The following TMEM94 variants were observed in gnomAD, a reference collection of about 807,000 sequenced individuals.
The protein encoded by TMEM94 is transmembrane protein 94, also known as ER Mg2+ ATPase.
A neutral mutation model predicts 158.6 loss-of-function variants in TMEM94; 81 were observed. The observed-to-expected ratio is 0.51, with a 90% CI of 0.43 to 0.61. The LOEUF (loss-of-function observed/expected upper bound fraction) is 0.61, where lower values mean the gene tolerates loss of function less well. TMEM94 is among the 20% of genes least tolerant of loss of function. TMEM94 has a pLI of 0.00. For synonymous variants in TMEM94, 751 were observed against 730.7 expected (o/e 1.03, Z -0.45); for missense variants, 1,435 against 1,762.0 (o/e 0.81, Z 3.32).
Position 75,492,068 on chromosome 17 carries a change from C to A in TMEM94, c.1596+168C>A. On this transcript the variant is annotated intron_variant, in intron 14 of 31. Transcript: ENST00000314256. The surrounding 1 kb of genome is among the most constrained non-coding windows in gnomAD (Gnocchi z 4.4). Reference sequence around the variant, plus strand: ...CCTGAGGCCCTCCCCAAGTCTGCTGCGAAGTAGGTGGAGCCTCCCCCTACC... The same window carrying A: ...CCTGAGGCCCTCCCCAAGTCTGCTGAGAAGTAGGTGGAGCCTCCCCCTACC... The A allele has an allele frequency of 1.2e-6, 1 of 801,220 alleles. No individual in the cohort carries two copies. The highest frequency in any genetic ancestry group is 2.0e-6 in the Non-Finnish European group (1 of 511,820). 49.6% of individuals were successfully genotyped at this position (801,220 alleles called of 1,614,324 possible).
Position 75,487,819 on chromosome 17 carries a change from A to G in TMEM94, c.410-113A>G. On this transcript the variant is annotated intron_variant, in intron 5 of 31. Coordinates refer to ENST00000314256, the MANE Select transcript of TMEM94 (RefSeq NM_014738.6). This position sits in a 1 kb window ranked among gnomAD's most constrained non-coding sequence, Gnocchi z 4.6. ...TGGAACGAGTGGAGGGGTTTGACGC[A>G]GACCTCCTGGGAGAGGAAGTGGGCA... 1.2e-6 allele frequency: 1 copy of G among 854,080 alleles called. No homozygotes were observed. The highest frequency in any genetic ancestry group is 1.9e-6 in the Non-Finnish European group (1 of 528,140). The allele number at this position is 854,080 out of a possible 1,614,324, so 52.9% of individuals were successfully genotyped here. A position where few individuals can be genotyped will look rare whatever the true frequency, so the allele number is the denominator to read the frequency against.
intron 2 of TMEM94, among the ~76,000 whole-genome samples, chr17:75,473,126 G>A (rs962694799): frequency 6.6e-6 from 1 of 152,180 alleles, no homozygotes; most frequent in African/African-American, 2.4e-5. Context: ...TAGAGAGGGG[G>A]CTGTGGGTTC....
At position 75,488,027 on chromosome 17, in the gene TMEM94, T is replaced by A. The variant is rs1342742457; in HGVS notation, c.505T>A (p.Tyr169Asn). The change falls in exon 6 of 32, where the codon TAC becomes AAC. Residue 169 changes from tyrosine to asparagine, a missense_variant. Around this residue, in one of 3 missense-constraint regions of TMEM94, gnomAD observed 1,051 missense variants for 1,254.4 expected, o/e 0.84. Transcript: ENST00000314256. The part of the protein sequence containing the change: ...FAPSWSLHWA[Y>N]RDGHLVNLPV... ...GCCATCCTGGTCCTTGCACTGGGCC[T>A]ACAGAGACGGACACCTGGTCAACCT... 3 of 1,614,032 alleles carry A rather than the reference T, an allele frequency of 1.9e-6. No homozygotes were observed. The highest frequency in any genetic ancestry group is 1.3e-5 in the African/African-American group (1 of 74,910).
intron 1 of TMEM94, among the ~76,000 whole-genome samples, chr17:75,468,738 G>A (rs1336789989): frequency 6.6e-6 from 1 of 152,224 alleles, no homozygotes; most frequent in Non-Finnish European, 1.5e-5. Flanking sequence ...GGGTTTTGGA[G>A]TGGAGTTGGT....
chr17:75,494,834 C>T (rs1377764903), intron 19 of TMEM94, 26 bp downstream of exon 19: 1 of 1,612,914 alleles, frequency 6.2e-7, no homozygotes, highest in South Asian at 1.1e-5. Context: ...CCTTCTGCCA[C>T]CACTAACTCT....
At chr17:75,497,065 T>C in intron 25 of TMEM94, 48 bp from the exon 26 acceptor site, 2 of 1,537,968 alleles carry the variant, frequency 1.3e-6, no homozygotes, top group Middle Eastern at 1.7e-4. Flanking sequence ...TATGCCCTTA[T>C]TATTTGCCTG....
At chr17:75,464,585 ATTTTCTTTCTTTC>A in intron 1 of TMEM94, among the ~76,000 whole-genome samples, 1 of 95,736 alleles carries the variant, frequency 1.0e-5, no homozygotes, top group African/African-American at 3.9e-5. Context: ...GTATTTTTTC[ATTTTCTTTCTTTC>A]TTTCTTTCCT....
rs533998178 is a variant in TMEM94 at position 75,495,148 on chromosome 17, G to A, written c.2728+114G>A. 56 of 1,472,162 alleles carry A rather than the reference G, an allele frequency of 3.8e-5. No individual in the cohort carries two copies. The African/African-American group carries it at 7.3e-4, about 19-fold the overall frequency. The allele number at this position is 1,472,162 out of a possible 1,614,324, so 91.2% of individuals were successfully genotyped here. ...CCTCCAGTTAAGTACATTCCCTTGG[G>A]AAATGGCTCTGATGTCCCTGCGGGA... On this transcript the variant is annotated intron_variant, in intron 20 of 31. Coordinates refer to ENST00000314256, the MANE Select transcript of TMEM94 (RefSeq NM_014738.6). The surrounding 1 kb of genome is among the most constrained non-coding windows in gnomAD (Gnocchi z 5.6).
intron 2 of TMEM94, among the ~76,000 whole-genome samples, chr17:75,483,340 GT>G (rs2051323242): frequency 1.3e-5 from 2 of 152,146 alleles, no homozygotes; most frequent in Admixed American, 1.3e-4. Context: ...GTGGGGTGGA[GT>G]TTGGGCAAGC....
In TMEM94 at chr17:75,498,723, G is replaced by A. The variant is rs1397815132; in HGVS notation, c.3827+1G>A. On this transcript the variant is annotated splice_donor_variant, in intron 30 of 31. Transcript: ENST00000314256. LOFTEE classifies it high-confidence loss of function. The surrounding 1 kb of genome is among the most constrained non-coding windows in gnomAD (Gnocchi z 6.7). ...GGTGGGCCGTGACAGTGCCTGTGGT[G>A]TGAGTATTGCTAGGATGGAGGGCGG... 7.7e-6 allele frequency: 12 copies of A among 1,557,686 alleles called. No homozygotes were observed. Among genetic ancestry groups the A allele is most frequent in the Non-Finnish European group, 1.0e-5 (12 of 1,150,452 alleles).
At chr17:75,460,266 A>G (rs1046332905) in intron 1 of TMEM94, among the ~76,000 whole-genome samples, 2 of 152,174 alleles carry the variant, frequency 1.3e-5, no homozygotes, top group African/African-American at 4.8e-5. Context: ...TTAGTGTACT[A>G]TAATTAAATG....
Position 75,489,533 on chromosome 17 carries a change from T to A in TMEM94, c.868-43T>A. Reference sequence around the variant, plus strand: ...GGGAACGGCAGTGCCTGGGTCCCTCTAGAGGGGCGGGGTCAAGGCTGTGCC... The same window carrying A: ...GGGAACGGCAGTGCCTGGGTCCCTCAAGAGGGGCGGGGTCAAGGCTGTGCC... On this transcript the variant is annotated intron_variant, in intron 8 of 31. Transcript: ENST00000314256. The surrounding 1 kb of genome is among the most constrained non-coding windows in gnomAD (Gnocchi z 5.0). 6.3e-7 allele frequency: 1 copy of A among 1,579,288 alleles called. No homozygotes were observed. Among genetic ancestry groups the A allele is most frequent in the East Asian group, 2.2e-5 (1 of 44,704 alleles).
intron 2 of TMEM94, among the ~76,000 whole-genome samples, chr17:75,484,946 G>A (rs2051466881): frequency 1.3e-5 from 2 of 151,818 alleles, no homozygotes; most frequent in African/African-American, 4.8e-5. Context: ...GCTGAGGCGG[G>A]AGAATCACCA....
rs763493380 is a variant in TMEM94, at chr17:75,491,046, C to A, written c.1129-3C>A. The A allele has an allele frequency of 6.2e-7, 1 of 1,602,606 alleles. No individual in the cohort carries two copies. Among genetic ancestry groups the A allele is most frequent in the Non-Finnish European group, 8.5e-7 (1 of 1,174,034 alleles). On this transcript the variant is annotated splice_region_variant and splice_polypyrimidine_tract_variant and intron_variant, in intron 11 of 31. Coordinates refer to ENST00000314256, the MANE Select transcript of TMEM94 (RefSeq NM_014738.6). This position sits in a 1 kb window ranked among gnomAD's most constrained non-coding sequence, Gnocchi z 5.1. ...GCCTTGCAGACTTCCTCTCTCCCAC[C>A]AGGAAATGCTGCGCTGCATTTGGGG... is the stretch of plus-strand genomic sequence containing the variant.
In TMEM94 at chr17:75,491,719, G is replaced by C. The variant is rs775197228; in HGVS notation, c.1415G>C (p.Gly472Ala). 4.3e-6 allele frequency: 7 copies of C among 1,613,918 alleles called. No homozygotes were observed. The Admixed American group carries it at 8.3e-5, about 19-fold the overall frequency. Reference sequence around the variant, plus strand: ...CATGAACGAGACGCCCTCCTGGCTGGCTCCCTGAACAACACCCTGCACCTT... The same window carrying C: ...CATGAACGAGACGCCCTCCTGGCTGCCTCCCTGAACAACACCCTGCACCTT... Reference protein sequence around the residue: ...EPHERDALLAGSLNNTLHLSN... With the variant: ...EPHERDALLAASLNNTLHLSN... The change falls in exon 14 of 32, where the codon GGC becomes GCC. Residue 472 changes from glycine to alanine, a missense_variant. Gly to Ala is a moderately conservative substitution (Grantham distance 60, BLOSUM62 0). This residue lies in a region of TMEM94 where 1,051 missense variants were observed against 1,254.4 expected (regional missense o/e 0.84). Transcript: ENST00000314256. The surrounding 1 kb of genome is among the most constrained non-coding windows in gnomAD (Gnocchi z 5.1).
chr17:75,491,388 AG>A lies in TMEM94; in HGVS notation c.1320del (p.Glu440AspfsTer35). 1 of 1,614,048 alleles carries A rather than the reference AG, an allele frequency of 6.2e-7. No individual in the cohort carries two copies. The highest frequency in any genetic ancestry group is 8.5e-7 in the Non-Finnish European group (1 of 1,180,014). ...GTACTGTTCTTCAGCGGGAAGGTGGAGCCCCCTCACAGCAGCCATGAGGACC... is the reference window on the plus strand; with the variant it reads ...GTACTGTTCTTCAGCGGGAAGGTGGACCCCCTCACAGCAGCCATGAGGACC... ...ETVLFFSGKV[E>X]PPHSSHEDLT... On this transcript the variant is annotated frameshift_variant, in exon 13 of 32. Coordinates refer to ENST00000314256, the MANE Select transcript of TMEM94 (RefSeq NM_014738.6). LOFTEE classifies it high-confidence loss of function. This position sits in a 1 kb window ranked among gnomAD's most constrained non-coding sequence, Gnocchi z 5.1.
At chr17:75,458,586 G>T (rs1402752640) in intron 1 of TMEM94, among the ~76,000 whole-genome samples, 1 of 151,904 alleles carries the variant, frequency 6.6e-6, no homozygotes, top group Non-Finnish European at 1.5e-5. Flanking sequence ...AGCTACTTGG[G>T]AGGTGGATGC....
At position 75,487,828 on chromosome 17, in the gene TMEM94, G is replaced by A; in HGVS notation, c.410-104G>A. 1 of 926,048 alleles carries A rather than the reference G, an allele frequency of 1.1e-6. No individual in the cohort carries two copies. The highest frequency in any genetic ancestry group is 1.7e-6 in the Non-Finnish European group (1 of 584,302). The allele number at this position is 926,048 out of a possible 1,614,324, so 57.4% of individuals were successfully genotyped here. ...TGGAGGGGTTTGACGCAGACCTCCT[G>A]GGAGAGGAAGTGGGCAGACAGTGCT... On this transcript the variant is annotated intron_variant, in intron 5 of 31. Coordinates refer to ENST00000314256, the MANE Select transcript of TMEM94 (RefSeq NM_014738.6). The surrounding 1 kb of genome is among the most constrained non-coding windows in gnomAD (Gnocchi z 4.6).
chr17:75,499,370 C>T lies in TMEM94; in HGVS notation c.*36C>T, dbSNP rs1283172017. 6.3e-7 allele frequency: 1 copy of T among 1,590,584 alleles called. No homozygotes were observed. The highest frequency in any genetic ancestry group is 1.3e-5 in the African/African-American group (1 of 74,484). On this transcript the variant is annotated 3_prime_UTR_variant, in exon 32 of 32. Coordinates refer to ENST00000314256, the MANE Select transcript of TMEM94 (RefSeq NM_014738.6). ...GTGGTGGCTGTAGTTGCCCCCGTCC[C>T]TGGGGCTAAAGCCAGACCCATTTCT...
Sources: gnomAD v4.1 joint callset for allele counts (sites outside exome capture counted in the v4.1 genomes callset) on GRCh38, gnomAD v4.1.1 for gene constraint, gnomAD v4.1.1 regional missense constraint, Gnocchi (gnomAD v3.1) non-coding constraint, MANE v1.5 for transcripts, NCBI Gene and HGNC (gene_info 2026-07-23, HGNC 2026-07-21) for gene names.